Variants in TMCO5A observed in about 807,000 individuals in gnomAD.
The protein encoded by TMCO5A is transmembrane and coiled-coil domain-containing protein 5A.
A neutral mutation model predicts 42.3 loss-of-function variants in TMCO5A; 34 were observed. The ratio of observed to expected loss-of-function variants is 0.80; its 90% confidence interval spans 0.61 to 1.07. The LOEUF is 1.07. TMCO5A is among the 50% of genes least tolerant of loss of function. The pLI, the probability that TMCO5A is intolerant of heterozygous loss-of-function variation, is 0.00. For missense variants in TMCO5A, 357 were observed against 327.9 expected, an observed-to-expected ratio of 1.09 and a Z score of -0.69; for synonymous variants, 131 against 115.6, an observed-to-expected ratio of 1.13 and a Z score of -0.86.
rs1389897295 is a variant in TMCO5A at position 37,936,306 on chromosome 15, G to A, written c.-10-8G>A. On this transcript the variant is annotated splice_polypyrimidine_tract_variant and splice_region_variant and intron_variant, in intron 2 of 11. Coordinates refer to ENST00000319669, the MANE Select transcript of TMCO5A (RefSeq NM_152453.4). ...GGCCCTTGTTCATTTTGGGGGCTGA[G>A]TCTATAGGTCGGAGAAAATGGAAAT... is the stretch of plus-strand genomic sequence containing the variant. The A allele has an allele frequency of 6.2e-7, 1 of 1,605,048 alleles. No homozygotes were observed. Among genetic ancestry groups the A allele is most frequent in the Admixed American group, 1.7e-5 (1 of 58,212 alleles).
chr15:37,961,295 G>A (rs1378044555), intron 11 of TMCO5A, among the ~76,000 whole-genome samples: 1 of 151,988 alleles, frequency 6.6e-6, no homozygotes, highest in African/African-American at 2.4e-5. Flanking sequence ...TGTTGAAAAA[G>A]GTGTCCTTTC....
chr15:38,023,980 C>A, the TMCO5A span, among the ~76,000 whole-genome samples: 2 of 152,184 alleles, frequency 1.3e-5, no homozygotes. Context: ...CATTTTCAGA[C>A]ATTAGGACAT....
the TMCO5A span, among the ~76,000 whole-genome samples, chr15:37,975,214 G>A: frequency 1.3e-5 from 2 of 152,156 alleles, no homozygotes; most frequent in Non-Finnish European, 2.9e-5. Flanking sequence ...CGTATATTCT[G>A]TTGTTTTTGG....
downstream of TMCO5A, among the ~76,000 whole-genome samples, chr15:37,954,998 C>A (rs759854334): frequency 6.6e-6 from 1 of 151,710 alleles, no homozygotes; most frequent in South Asian, 2.1e-4. Context: ...GACAGAATCA[C>A]CTTTACTAGA....
chr15:37,975,118 T>C, the TMCO5A span, among the ~76,000 whole-genome samples: 1 of 152,218 alleles, frequency 6.6e-6, no homozygotes, highest in Non-Finnish European at 1.5e-5. Flanking sequence ...TTTGGTATAA[T>C]TTGGGTTTTT....
At chr15:37,958,812 A>G (rs556767636) in intron 11 of TMCO5A, among the ~76,000 whole-genome samples, 16 of 152,214 alleles carry the variant, frequency 1.1e-4, no homozygotes, top group African/African-American at 3.9e-4. Context: ...AAAAAGACAC[A>G]TGCACACGTA....
At chr15:38,018,516 A>C in the TMCO5A span, among the ~76,000 whole-genome samples, 1 of 152,120 alleles carries the variant, frequency 6.6e-6, no homozygotes, top group East Asian at 1.9e-4. Context: ...TAGATTAATA[A>C]AAATTGTTGG....
At chr15:37,995,605 G>C in the TMCO5A span, among the ~76,000 whole-genome samples, 1 of 152,154 alleles carries the variant, frequency 6.6e-6, no homozygotes, top group East Asian at 1.9e-4. Flanking sequence ...TCTAATTTAT[G>C]CTCTGTCTGA....
downstream of TMCO5A, among the ~76,000 whole-genome samples, chr15:37,969,362 A>T (rs762850559): frequency 2.0e-5 from 3 of 152,202 alleles, no homozygotes; most frequent in Admixed American, 6.5e-5. Flanking sequence ...TCTTTATAAC[A>T]CTAGGCCTCA....
At chr15:37,934,863 A>G (rs1264686140) in intron 1 of TMCO5A, among the ~76,000 whole-genome samples, 169 bp downstream of exon 1, 2 of 152,180 alleles carry the variant, frequency 1.3e-5, no homozygotes, top group Non-Finnish European at 2.9e-5. Flanking sequence ...TTTCAGGGAT[A>G]TTGTAAACCT....
chr15:37,951,353 C>A lies in TMCO5A; in HGVS notation c.*119C>A. 1 of 890,532 alleles carries A rather than the reference C, an allele frequency of 1.1e-6. No homozygotes were observed. Among genetic ancestry groups the A allele is most frequent in the Non-Finnish European group, 1.7e-6 (1 of 579,322 alleles). 55.2% of individuals were successfully genotyped at this position (890,532 alleles called of 1,614,324 possible). On this transcript the variant is annotated 3_prime_UTR_variant, in exon 12 of 12. Coordinates refer to ENST00000319669, the MANE Select transcript of TMCO5A (RefSeq NM_152453.4). ...CAGTTTTTTCCTCACCGTTTGCCTG[C>A]TTGACTACCTTCTGTCACCACGTCA...
At chr15:37,964,757 T>A (rs1245432565) in intron 11 of TMCO5A, among the ~76,000 whole-genome samples, 2 of 152,010 alleles carry the variant, frequency 1.3e-5, no homozygotes, top group African/African-American at 4.8e-5. Flanking sequence ...TGAAAGAAAT[T>A]GAAGAGGACA....
chr15:38,007,448 C>T, the TMCO5A span, among the ~76,000 whole-genome samples: 1 of 152,078 alleles, frequency 6.6e-6, no homozygotes, highest in African/African-American at 2.4e-5. Context: ...GTGTGAAGAA[C>T]ATTAGATACA....
rs1414927043 is a variant in TMCO5A at position 37,941,923 on chromosome 15, C to A, written c.504+193C>A. Among the ~76,000 whole-genome samples the A allele has an allele frequency of 2.6e-5, 4 of 152,110 alleles. No individual in the cohort carries two copies. In the East Asian group the frequency reaches 7.7e-4, roughly 29 times the overall value. On this transcript the variant is annotated intron_variant, in intron 8 of 11. Coordinates refer to ENST00000319669, the MANE Select transcript of TMCO5A (RefSeq NM_152453.4). The stretch of plus-strand genomic sequence containing the variant: ...TTTGTCTTTGTCTCCCTGGGAATTC[C>A]TGCCCTGCTCTCCCACTCTCTGTGC...
At chr15:37,982,068 G>A in the TMCO5A span, among the ~76,000 whole-genome samples, 1 of 152,132 alleles carries the variant, frequency 6.6e-6, no homozygotes, top group African/African-American at 2.4e-5. Context: ...TGCTAGATGC[G>A]GAACAGATGG....
downstream of TMCO5A, among the ~76,000 whole-genome samples, chr15:37,971,806 C>T (rs1285265462): frequency 6.6e-6 from 1 of 152,168 alleles, no homozygotes; most frequent in Non-Finnish European, 1.5e-5. Context: ...GCTCCACTTC[C>T]CAACAAGTTC....
chr15:37,991,122 G>A, the TMCO5A span, among the ~76,000 whole-genome samples: 1 of 152,052 alleles, frequency 6.6e-6, no homozygotes, highest in Non-Finnish European at 1.5e-5. Context: ...ACAAAAAGTA[G>A]AGTTACAAAC....
chr15:37,943,022 A>G, intron 9 of TMCO5A: 2 of 226,638 alleles, frequency 8.8e-6, no homozygotes, highest in Non-Finnish European at 1.8e-5. Flanking sequence ...GGACACCTTC[A>G]AGTCACTCAA....
chr15:37,946,011 T>G (rs573748388), intron 10 of TMCO5A, among the ~76,000 whole-genome samples: 1 of 152,298 alleles, frequency 6.6e-6, no homozygotes, highest in African/African-American at 2.4e-5. Flanking sequence ...GTTTTACATT[T>G]AAGTCTATAA....
Sources: gnomAD v4.1 joint callset for allele counts (sites outside exome capture counted in the v4.1 genomes callset) on GRCh38, gnomAD v4.1.1 for gene constraint, MANE v1.5 for transcripts, NCBI Gene and HGNC (gene_info 2026-07-23, HGNC 2026-07-21) for gene names.